The following SLC5A11 variants were observed in gnomAD, a reference collection of about 807,000 sequenced individuals.
The protein encoded by SLC5A11 is solute carrier family 5 member 11.
In SLC5A11, 48 loss-of-function variants were observed where a neutral mutation model predicts 69.8. The observed-to-expected ratio is 0.69, with a 90% confidence interval of 0.55 to 0.87. SLC5A11 has a LOEUF of 0.87. SLC5A11 is among the 40% of genes least tolerant of loss of function. The probability of loss-of-function intolerance (pLI) is 0.00; values close to 1 mark genes in which losing one functional copy is unlikely to be tolerated. For missense variants in SLC5A11, 784 were observed against 866.1 expected (o/e 0.91, Z 1.19); for synonymous variants, 319 against 342.4 (o/e 0.93, Z 0.75).
chr16:24,904,570 G>A (rs1315455321), intron 10 of SLC5A11, among the ~76,000 whole-genome samples: 2 of 152,166 alleles, frequency 1.3e-5, no homozygotes, highest in East Asian at 3.9e-4. Context: ...AGAAGGTTGA[G>A]AACCCCAGGT....
intron 7 of SLC5A11, among the ~76,000 whole-genome samples, chr16:24,877,666 A>G (rs1256148474): frequency 6.6e-6 from 1 of 152,162 alleles, no homozygotes; most frequent in Non-Finnish European, 1.5e-5. Context: ...CCTGGCCAAC[A>G]TGGCAAAATC....
At chr16:24,849,591 A>ATATATAT (rs60683631) in intron 1 of SLC5A11, among the ~76,000 whole-genome samples, 8 of 57,518 alleles carry the variant, frequency 1.4e-4, no homozygotes, top group East Asian at 4.1e-4. Flanking sequence ...AAAAAAAAAA[A>ATATATAT]AAATATATAT....
chr16:24,885,288 A>AGG lies in SLC5A11; in HGVS notation c.664+1158_664+1159insGG, dbSNP rs72164944. ...ATTAGCCAACTTCTTATTATTGTTA[A>AGG]GCGGGGGACACTACTCTCCACAGGT... On this transcript the variant is annotated intron_variant, in intron 8 of 15. Transcript: ENST00000347898. 7.7e-3 allele frequency among the ~76,000 whole-genome samples: 1,169 copies of AGG among 151,530 alleles called. 5 individuals are homozygous for AGG. Among genetic ancestry groups the AGG allele is most frequent in the Non-Finnish European group, 0.011 (772 of 67,800 alleles).
intron 10 of SLC5A11, among the ~76,000 whole-genome samples, chr16:24,902,650 C>T (rs1427888690): frequency 6.7e-6 from 1 of 150,020 alleles, no homozygotes; most frequent in Non-Finnish European, 1.5e-5. Flanking sequence ...TGGGTTGAAG[C>T]GATTCTCCTG....
chr16:24,910,273 C>T (rs762282852), intron 14 of SLC5A11, 33 bp from the exon 16 acceptor site: 4 of 1,608,338 alleles, frequency 2.5e-6, no homozygotes, highest in Non-Finnish European at 3.4e-6. Flanking sequence ...CCCACCTCCA[C>T]CACAAATCTC....
intron 8 of SLC5A11, among the ~76,000 whole-genome samples, chr16:24,888,342 T>C (rs1266228310): frequency 6.6e-6 from 1 of 152,064 alleles, no homozygotes; most frequent in Non-Finnish European, 1.5e-5. Flanking sequence ...ATGAGAACAT[T>C]ACATTTCATA....
At chr16:24,906,991 G>C in intron 11 of SLC5A11, 34 bp from the exon 13 acceptor site, 1 of 1,604,758 alleles carries the variant, frequency 6.2e-7, no homozygotes, top group Non-Finnish European at 8.5e-7. Flanking sequence ...TGGCAGAAAA[G>C]GACCGAGGCC....
At chr16:24,908,797 G>C (rs1215488171) in intron 13 of SLC5A11, 84 bp from the exon 15 acceptor site, 22 of 1,339,364 alleles carry the variant, frequency 1.6e-5, no homozygotes, top group Non-Finnish European at 2.3e-5. Flanking sequence ...CCACAAGAAA[G>C]ACAAGTCCTG....
intron 8 of SLC5A11, among the ~76,000 whole-genome samples, chr16:24,888,222 G>A (rs2048516544): frequency 6.6e-6 from 1 of 152,052 alleles, no homozygotes; most frequent in Non-Finnish European, 1.5e-5. Flanking sequence ...ATTAGGAAAA[G>A]TGTAAATTTT....
intron 10 of SLC5A11, among the ~76,000 whole-genome samples, 158 bp from the exon 12 acceptor site, chr16:24,906,499 C>T (rs1451493703): frequency 2.0e-5 from 3 of 152,112 alleles, no homozygotes; most frequent in Non-Finnish European, 4.4e-5. Context: ...TCTCAGAAAG[C>T]GTAAGTAACA....
intron 7 of SLC5A11, 119 bp downstream of exon 8, chr16:24,877,482 A>C (rs2047750057): frequency 1.4e-6 from 1 of 701,034 alleles, no homozygotes; most frequent in Non-Finnish European, 2.5e-6. Flanking sequence ...TTATTCATTA[A>C]ACGTCACTCC....
intron 7 of SLC5A11, among the ~76,000 whole-genome samples, chr16:24,878,853 CA>C: frequency 6.6e-6 from 1 of 152,156 alleles, no homozygotes; most frequent in East Asian, 1.9e-4. Flanking sequence ...GCCAACATGG[CA>C]AAACCCGGTC....
intron 8 of SLC5A11, among the ~76,000 whole-genome samples, chr16:24,886,901 G>A (rs775597960): frequency 1.9e-4 from 29 of 152,146 alleles, no homozygotes; most frequent in Non-Finnish European, 2.9e-4. Flanking sequence ...CCAGGTGCTC[G>A]AGGCTGCAGT....
chr16:24,885,470 G>T (rs184336621), intron 8 of SLC5A11, among the ~76,000 whole-genome samples: 19 of 152,048 alleles, frequency 1.2e-4, no homozygotes, highest in African/African-American at 3.9e-4. Context: ...AACATAGTGA[G>T]ACTGTCTCTA....
intron 8 of SLC5A11, 95 bp downstream of exon 9, chr16:24,884,226 C>T: frequency 8.2e-7 from 1 of 1,223,086 alleles, no homozygotes; most frequent in Non-Finnish European, 1.2e-6. Flanking sequence ...ACCTAGCTGT[C>T]AAAGAGCATA....
At chr16:24,904,279 T>C (rs548520902) in intron 10 of SLC5A11, among the ~76,000 whole-genome samples, 1 of 152,190 alleles carries the variant, frequency 6.6e-6, no homozygotes, top group South Asian at 2.1e-4. Context: ...AGTAGCAAAA[T>C]TGCTGGATCA....
chr16:24,908,200 G>C (rs778327023), intron 13 of SLC5A11, 69 bp downstream of exon 14: 4 of 1,496,528 alleles, frequency 2.7e-6, no homozygotes, highest in Non-Finnish European at 3.6e-6. Flanking sequence ...TAGGATGGGA[G>C]GGGAGGGTGT....
At chr16:24,878,188 A>T (rs2047810040) in intron 7 of SLC5A11, among the ~76,000 whole-genome samples, 1 of 152,246 alleles carries the variant, frequency 6.6e-6, no homozygotes, top group South Asian at 2.1e-4. Context: ...TTTAAAATGC[A>T]CCACAATGGC....
intron 10 of SLC5A11, among the ~76,000 whole-genome samples, chr16:24,902,076 C>T (rs2049670314): frequency 6.6e-6 from 1 of 152,118 alleles, no homozygotes; most frequent in Non-Finnish European, 1.5e-5. Flanking sequence ...CGAGCCACTG[C>T]ATTCCAGACT....
Sources: allele counts gnomAD v4.1 joint callset (sites outside exome capture counted in the v4.1 genomes callset), GRCh38; gene constraint gnomAD v4.1.1; transcripts MANE v1.5; gene names NCBI Gene and HGNC (gene_info 2026-07-23, HGNC 2026-07-21).